MGAT4C: variants seen among roughly 807,000 people sequenced by gnomAD.
MGAT4C encodes the protein MGAT4 family member C.
MGAT4C carries 19 observed loss-of-function variants against 40.1 expected under a neutral mutation model. The ratio of observed to expected loss-of-function variants is 0.47; its 90% confidence interval spans 0.33 to 0.70. The LOEUF (loss-of-function observed/expected upper bound fraction) is 0.70, where lower values mean the gene tolerates loss of function less well. MGAT4C is among the 30% of genes least tolerant of loss of function. The pLI, the probability that MGAT4C is intolerant of heterozygous loss-of-function variation, is 0.02. For synonymous variants in MGAT4C, 181 were observed against 187.1 expected (o/e 0.97, Z 0.27); for missense variants, 491 against 563.2 (o/e 0.87, Z 1.30).
chr12:86,537,115 G>T (rs532351254), intron 2 of MGAT4C, among the ~76,000 whole-genome samples: 12 of 151,300 alleles, frequency 7.9e-5, no homozygotes. Context: ...GCAAACTATC[G>T]CAAGGACAAA....
chr12:86,093,669 A>G (rs1873316293), intron 1 of MGAT4C, among the ~76,000 whole-genome samples: 1 of 152,022 alleles, frequency 6.6e-6, no homozygotes, highest in Non-Finnish European at 1.5e-5. Context: ...TGGAGGCTGC[A>G]GTGAGCTATG....
intron 2 of MGAT4C, among the ~76,000 whole-genome samples, chr12:86,510,632 AG>A (rs1349403922): frequency 2.0e-5 from 3 of 152,190 alleles, no homozygotes; most frequent in Admixed American, 2.0e-4. Flanking sequence ...CTCAAAATAA[AG>A]GGATGGAGGA....
chr12:86,031,195 C>T (rs1421641728), intron 2 of MGAT4C, among the ~76,000 whole-genome samples: 1 of 151,612 alleles, frequency 6.6e-6, no homozygotes, highest in Non-Finnish European at 1.5e-5. Flanking sequence ...GCACTAGAAT[C>T]ACAGTGTGGT....
intron 1 of MGAT4C, among the ~76,000 whole-genome samples, chr12:86,188,585 A>T (rs745392274): frequency 1.3e-5 from 2 of 152,022 alleles, no homozygotes; most frequent in South Asian, 4.1e-4. Context: ...GTTCAAAAGA[A>T]ATAAGAAATT....
At chr12:86,293,239 G>A (rs942121232) in intron 4 of MGAT4C, among the ~76,000 whole-genome samples, 1 of 151,966 alleles carries the variant, frequency 6.6e-6, no homozygotes, top group Non-Finnish European at 1.5e-5. Flanking sequence ...GTGTACATGG[G>A]GTTAAATGTT....
intron 3 of MGAT4C, among the ~76,000 whole-genome samples, chr12:85,986,252 T>G (rs1429133648): frequency 6.6e-6 from 1 of 152,198 alleles, no homozygotes. Flanking sequence ...GTAGCTACTA[T>G]GCTGTAGTAT....
intron 2 of MGAT4C, among the ~76,000 whole-genome samples, chr12:86,659,698 C>A (rs1424102479): frequency 6.6e-6 from 1 of 151,964 alleles, no homozygotes; most frequent in East Asian, 1.9e-4. Context: ...CTCTCTTTTT[C>A]CCCATCCATG....
chr12:86,144,977 A>C (rs1007681532), intron 1 of MGAT4C, among the ~76,000 whole-genome samples: 6 of 152,124 alleles, frequency 3.9e-5, no homozygotes, highest in African/African-American at 1.2e-4. Flanking sequence ...GCAGGAAAAC[A>C]AAACAAAACA....
At chr12:86,303,481 G>A (rs1456271993) in intron 4 of MGAT4C, among the ~76,000 whole-genome samples, 1 of 149,580 alleles carries the variant, frequency 6.7e-6, no homozygotes, top group Non-Finnish European at 1.5e-5. Flanking sequence ...TTCCTACCTT[G>A]AGTCAGATCT....
chr12:86,720,253 G>T (rs1444004386), intron 2 of MGAT4C, among the ~76,000 whole-genome samples: 1 of 152,060 alleles, frequency 6.6e-6, no homozygotes, highest in Non-Finnish European at 1.5e-5. Flanking sequence ...GGTAGCTAAA[G>T]TCTCCGAAAT....
intron 2 of MGAT4C, among the ~76,000 whole-genome samples, chr12:86,438,073 A>G (rs1465433852): frequency 6.6e-6 from 1 of 151,990 alleles, no homozygotes; most frequent in Non-Finnish European, 1.5e-5. Context: ...AAGCCAAGAT[A>G]GGCTAAAAGC....
intron 2 of MGAT4C, among the ~76,000 whole-genome samples, chr12:86,587,380 G>A (rs1961097442): frequency 6.6e-6 from 1 of 152,120 alleles, no homozygotes; most frequent in Non-Finnish European, 1.5e-5. Flanking sequence ...TTGAAGTCAG[G>A]TAGTGTGATG....
chr12:86,700,158 C>T (rs61949574), intron 2 of MGAT4C, among the ~76,000 whole-genome samples: 1,168 of 26,808 alleles, frequency 0.044, 11 homozygotes, highest in Admixed American at 0.11. Context: ...GACAGACAGA[C>T]AGACAGACAG....
At chr12:86,399,789 G>A (rs1051951890) in intron 3 of MGAT4C, among the ~76,000 whole-genome samples, 14 of 152,144 alleles carry the variant, frequency 9.2e-5, no homozygotes, top group African/African-American at 3.4e-4. Context: ...TACACACTCA[G>A]AACTCTTCCA....
At chr12:86,442,586 A>G (rs1233885459) in intron 2 of MGAT4C, among the ~76,000 whole-genome samples, 2 of 152,178 alleles carry the variant, frequency 1.3e-5, no homozygotes, top group African/African-American at 2.4e-5. Flanking sequence ...TCCCAGCACC[A>G]TTTATTAAAT....
chr12:86,801,266 G>A (rs1463838231), intron 1 of MGAT4C, among the ~76,000 whole-genome samples: 2 of 151,798 alleles, frequency 1.3e-5, no homozygotes, highest in African/African-American at 4.8e-5. Flanking sequence ...CAACTTGAGA[G>A]AGCTTCAAGA....
intron 2 of MGAT4C, among the ~76,000 whole-genome samples, chr12:85,992,639 G>C (rs1300043457): frequency 6.6e-6 from 1 of 152,258 alleles, no homozygotes; most frequent in Non-Finnish European, 1.5e-5. Flanking sequence ...ACAAAGCAAA[G>C]TGTGTGTTGG....
At chr12:86,775,601 T>C (rs1303142584) in intron 1 of MGAT4C, among the ~76,000 whole-genome samples, 1 of 151,358 alleles carries the variant, frequency 6.6e-6, no homozygotes, top group Non-Finnish European at 1.5e-5. Context: ...CAAAATGGTA[T>C]GTGAAAGTGC....
chr12:86,558,141 GTT>G (rs1286902381), intron 2 of MGAT4C, among the ~76,000 whole-genome samples: 1 of 151,958 alleles, frequency 6.6e-6, no homozygotes, highest in Non-Finnish European at 1.5e-5. Flanking sequence ...AACTTGAAAA[GTT>G]TTTTAATAAC....
Sources: gnomAD v4.1 joint callset for allele counts (sites outside exome capture counted in the v4.1 genomes callset) on GRCh38, gnomAD v4.1.1 for gene constraint, MANE v1.5 for transcripts, NCBI Gene and HGNC (gene_info 2026-07-23, HGNC 2026-07-21) for gene names.